Variants in ZNF516 observed in about 807,000 individuals in gnomAD.
ZNF516 encodes zinc finger protein 516.
Under a neutral mutation model 79.7 loss-of-function variants are expected in ZNF516, and 19 were observed. The observed-to-expected ratio is 0.24, with a 90% CI of 0.17 to 0.35. The LOEUF is 0.35. ZNF516 is among the 10% of genes least tolerant of loss of function. The pLI, the probability that ZNF516 is intolerant of heterozygous loss-of-function variation, is 1.00. For synonymous variants in ZNF516, 877 were observed against 739.5 expected (o/e 1.19, Z -3.02); for missense variants, 1,678 against 1,679.5 (o/e 1.00, Z 0.02).
chr18:76,371,406 T>G, intron 5 of ZNF516, 61 bp downstream of exon 5: 1 of 1,493,350 alleles, frequency 6.7e-7, no homozygotes, highest in South Asian at 1.2e-5. Flanking sequence ...GTCAAGCCAC[T>G]GACAGAAGAG....
At chr18:76,376,274 A>G (rs1340999437) in intron 4 of ZNF516, among the ~76,000 whole-genome samples, 1 of 152,200 alleles carries the variant, frequency 6.6e-6, no homozygotes, top group East Asian at 1.9e-4. Context: ...GTATCTAAAC[A>G]GGCTGACCTC....
chr18:76,492,191 G>T (rs1388693385), intron 1 of ZNF516: 3 of 985,316 alleles, frequency 3.0e-6, no homozygotes, highest in Non-Finnish European at 2.4e-6. Context: ...CAGCAACCCC[G>T]CGGTGCTCCC....
At chr18:76,437,067 A>AAAACACACACACACACACAC (rs2075749809) in intron 3 of ZNF516, among the ~76,000 whole-genome samples, 1 of 135,892 alleles carries the variant, frequency 7.4e-6, no homozygotes, top group African/African-American at 2.9e-5. Context: ...ACCTGTCTAA[A>AAAACACACACACACACACAC]ACACACACAC....
intron 4 of ZNF516, among the ~76,000 whole-genome samples, chr18:76,374,551 C>T (rs557176926): frequency 6.6e-6 from 1 of 152,288 alleles, no homozygotes; most frequent in African/African-American, 2.4e-5. Context: ...ACTTCCGTTT[C>T]CTAACTTCTG....
rs1034182483 is a variant in ZNF516 at position 76,441,840 on chromosome 18, C to A, written c.1215G>T (p.Arg405=). Residue 405 remains arginine, a synonymous_variant, in exon 3 of 7, where the codon CGG becomes CGT. Transcript: ENST00000443185. The part of the protein sequence containing the change: ...GDSCPGTQAG[R]RVAELDPVNS... ...TGACCGGGTCCAGCTCAGCCACCCG[C>A]CGTCCGGCCTGCGTGCCAGGGCACG... 1.9e-6 allele frequency: 3 copies of A among 1,570,304 alleles called. No individual in the cohort carries two copies. Among genetic ancestry groups the A allele is most frequent in the African/African-American group, 2.7e-5 (2 of 74,206 alleles).
intron 3 of ZNF516, among the ~76,000 whole-genome samples, chr18:76,400,572 G>T: frequency 6.6e-6 from 1 of 152,188 alleles, no homozygotes; most frequent in Non-Finnish European, 1.5e-5. Flanking sequence ...GTTGAGTGTG[G>T]ATTATAAAGC....
intron 3 of ZNF516, 48 bp from the exon 4 acceptor site, chr18:76,380,351 A>G: frequency 6.3e-7 from 1 of 1,583,836 alleles, no homozygotes; most frequent in East Asian, 2.2e-5. Context: ...TCTCATCAGA[A>G]CACAGCAAGA....
In ZNF516 at chr18:76,442,718, C is replaced by T. The variant is rs766693833; in HGVS notation, c.337G>A (p.Ala113Thr). ...GEMRASEGLD[A>T]CASPTKSASA... ...GCGCTCTTGGTGGGGCTGGCGCAGG[C>T]GTCCAGGCCCTCGGAGGCGCGCATC... Residue 113 changes from alanine to threonine, a missense_variant, in exon 3 of 7, where the codon GCC becomes ACC. By Grantham distance (58) the Ala-to-Thr change is moderately conservative. Coordinates refer to ENST00000443185, the MANE Select transcript of ZNF516 (RefSeq NM_014643.4). The T allele has an allele frequency of 3.4e-5, 54 of 1,580,376 alleles. No individual in the cohort carries two copies. The highest frequency in any genetic ancestry group is 3.4e-4 in the Middle Eastern group (2 of 5,898).
At chr18:76,439,657 T>G (rs2075788270) in intron 3 of ZNF516, among the ~76,000 whole-genome samples, 1 of 152,208 alleles carries the variant, frequency 6.6e-6, no homozygotes, top group Non-Finnish European at 1.5e-5. Context: ...AAAGCACTAC[T>G]GGATTAGCTT....
chr18:76,419,003 T>G (rs1173018254), intron 3 of ZNF516, among the ~76,000 whole-genome samples: 1 of 152,226 alleles, frequency 6.6e-6, no homozygotes, highest in East Asian at 1.9e-4. Flanking sequence ...CAGCTGGGGC[T>G]GGACCCTGAC....
In ZNF516 at chr18:76,379,376, C is replaced by G; in HGVS notation, c.2738G>C (p.Ser913Thr). 6.3e-7 allele frequency: 1 copy of G among 1,598,378 alleles called. No homozygotes were observed. Among genetic ancestry groups the G allele is most frequent in the Non-Finnish European group, 8.5e-7 (1 of 1,172,174 alleles). The change falls in exon 4 of 7, where the codon AGC becomes ACC. Residue 913 changes from serine to threonine, a missense_variant. By Grantham distance (58) the Ser-to-Thr change is moderately conservative. Transcript: ENST00000443185. ...ACCCGGGGCAGGCACCGGTTTGGAG[C>G]TAGCCTCCTGCCTGGGCTTGGCCAG... ...GPLAKPRQEA[S>T]SKPVPAPGGG...
At chr18:76,383,770 G>A (rs1439449751) in intron 3 of ZNF516, among the ~76,000 whole-genome samples, 1 of 152,214 alleles carries the variant, frequency 6.6e-6, no homozygotes, top group Non-Finnish European at 1.5e-5. Flanking sequence ...AGGCCTTGGT[G>A]TACAGAGAGG....
intron 3 of ZNF516, among the ~76,000 whole-genome samples, chr18:76,405,022 T>C (rs1189680745): frequency 6.6e-6 from 1 of 152,222 alleles, no homozygotes; most frequent in East Asian, 1.9e-4. Context: ...ACCCTGCCCT[T>C]TGCTCCCAGC....
chr18:76,404,164 G>A (rs533019911), intron 3 of ZNF516, among the ~76,000 whole-genome samples: 3 of 152,334 alleles, frequency 2.0e-5, no homozygotes, highest in East Asian at 3.9e-4. Context: ...TCAAGCCCTG[G>A]GCAAAGGGAA....
intron 1 of ZNF516, among the ~76,000 whole-genome samples, chr18:76,480,250 T>C (rs1001391251): frequency 1.4e-4 from 22 of 152,072 alleles, no homozygotes; most frequent in African/African-American, 5.3e-4. Flanking sequence ...TTGGATATAC[T>C]GGATTAAATA....
chr18:76,368,823 A>C (rs1236917484), intron 6 of ZNF516, among the ~76,000 whole-genome samples: 1 of 152,262 alleles, frequency 6.6e-6, no homozygotes, highest in Non-Finnish European at 1.5e-5. Context: ...TATTTAAAAT[A>C]GTCTAAATGA....
chr18:76,398,561 T>TA (rs1339643262), intron 3 of ZNF516, among the ~76,000 whole-genome samples: 1 of 151,888 alleles, frequency 6.6e-6, no homozygotes, highest in Admixed American at 6.6e-5. Flanking sequence ...TAAGGAAGCT[T>TA]AGAGTAAGGA....
upstream of ZNF516, chr18:76,496,343 A>G (rs781342479): frequency 7.8e-7 from 1 of 1,289,534 alleles, no homozygotes; most frequent in East Asian, 5.5e-5. Context: ...ATTCCGTCCA[A>G]GACGCCCAAC....
In ZNF516 at chr18:76,467,937, A is replaced by T. The variant is rs1913587937; in HGVS notation, c.-271-4796T>A. 6.6e-6 allele frequency among the ~76,000 whole-genome samples: 1 copy of T among 152,202 alleles called. No homozygotes were observed. On this transcript the variant is annotated intron_variant, in intron 1 of 6. Transcript: ENST00000443185. This position sits in a 1 kb window ranked among gnomAD's most constrained non-coding sequence, Gnocchi z 4.2. Reference sequence around the variant, plus strand: ...GACTGCTAACTCCCACTGTCATCCCAGGCAGCCTTGCAAGCAAAGAGTAGC... The same window carrying T: ...GACTGCTAACTCCCACTGTCATCCCTGGCAGCCTTGCAAGCAAAGAGTAGC...
Sources: allele counts gnomAD v4.1 joint callset (sites outside exome capture counted in the v4.1 genomes callset), GRCh38; gene constraint gnomAD v4.1.1; non-coding constraint Gnocchi (gnomAD v3.1); transcripts MANE v1.5; gene names NCBI Gene and HGNC (gene_info 2026-07-23, HGNC 2026-07-21).